SAMM50: variants seen among roughly 807,000 people sequenced by gnomAD.
The protein encoded by SAMM50 is SAMM50 sorting and assembly machinery component.
A neutral mutation model predicts 66.9 loss-of-function variants in SAMM50; 47 were observed. The observed-to-expected ratio is 0.70, with a 90% CI of 0.56 to 0.90. The LOEUF (loss-of-function observed/expected upper bound fraction) is 0.90, where lower values mean the gene tolerates loss of function less well. Ranked by LOEUF, SAMM50 falls within the 40% of genes least tolerant of loss-of-function variation. The pLI is 0.00. For synonymous variants in SAMM50, 191 were observed against 214.1 expected, an observed-to-expected ratio of 0.89 and a Z score of 0.94; for missense variants, 535 against 595.3, an observed-to-expected ratio of 0.90 and a Z score of 1.05.
At position 43,976,793 on chromosome 22, in the gene SAMM50, G is replaced by A; in HGVS notation, c.821G>A (p.Arg274Lys). 2 of 1,613,250 alleles carry A rather than the reference G, an allele frequency of 1.2e-6. No homozygotes were observed. The highest frequency in any genetic ancestry group is 1.7e-6 in the Non-Finnish European group (2 of 1,179,548). Residue 274 changes from arginine to lysine, a missense_variant, in exon 9 of 15, where the codon AGG becomes AAG. By Grantham distance (26) the Arg-to-Lys change is conservative (BLOSUM62 2). Transcript: ENST00000350028. ...TCTCGGAATTCTTCCATCTTACCAA[G>A]GAGAGGTGCTTTGCTGAAAGTTAAC... is the stretch of plus-strand genomic sequence containing the variant. Reference protein sequence around the residue: ...IDSRNSSILPRRGALLKVNQE... With the variant: ...IDSRNSSILPKRGALLKVNQE...
At chr22:43,990,498 A>G in intron 14 of SAMM50, 92 bp downstream of exon 14, 1 of 1,238,100 alleles carries the variant, frequency 8.1e-7, no homozygotes, top group East Asian at 2.3e-5. Flanking sequence ...AGTGGCTTTT[A>G]AGCTTGAAGA....
intron 14 of SAMM50, among the ~76,000 whole-genome samples, chr22:43,994,456 C>T (rs1006739218): frequency 6.6e-6 from 1 of 152,122 alleles, no homozygotes; most frequent in African/African-American, 2.4e-5. Context: ...AGGCTCCTGG[C>T]GTGTGGTGGG....
intron 1 of SAMM50, among the ~76,000 whole-genome samples, chr22:43,957,974 C>T (rs1012431379): frequency 3.3e-5 from 5 of 151,786 alleles, no homozygotes; most frequent in African/African-American, 9.7e-5. Context: ...AGGATGGTCT[C>T]GATCTCCTGA....
intron 14 of SAMM50, among the ~76,000 whole-genome samples, chr22:43,994,495 G>C (rs2050342491): frequency 6.6e-6 from 1 of 152,212 alleles, no homozygotes; most frequent in Non-Finnish European, 1.5e-5. Flanking sequence ...CAAGGGTGCT[G>C]TTGGCATGAC....
In SAMM50 at chr22:43,990,322, G is replaced by C; in HGVS notation, c.1280G>C (p.Gly427Ala). Reference sequence around the variant, plus strand: ...GCTGAGTGCATCCGCTGGTCGTACGGGGCCGGGATTGTCCTCAGGCTTGGC... The same window carrying C: ...GCTGAGTGCATCCGCTGGTCGTACGCGGCCGGGATTGTCCTCAGGCTTGGC... ...KLAECIRWSYGAGIVLRLGNI... is the reference protein window; with the variant it reads ...KLAECIRWSYAAGIVLRLGNI... Residue 427 changes from glycine to alanine, a missense_variant, in exon 14 of 15, where the codon GGG becomes GCG. By Grantham distance (60) the Gly-to-Ala change is moderately conservative (BLOSUM62 0). Coordinates refer to ENST00000350028, the MANE Select transcript of SAMM50 (RefSeq NM_015380.5). 1 of 1,614,174 alleles carries C rather than the reference G, an allele frequency of 6.2e-7. No homozygotes were observed. Among genetic ancestry groups the C allele is most frequent in the Non-Finnish European group, 8.5e-7 (1 of 1,180,042 alleles).
chr22:43,976,333 G>A (rs2050231942), intron 8 of SAMM50, 150 bp downstream of exon 8: 1 of 852,236 alleles, frequency 1.2e-6, no homozygotes, highest in Non-Finnish European at 1.8e-6. Context: ...CCGAGGGCTT[G>A]TGGTGTCCTG....
chr22:43,962,939 G>C (rs28754570), intron 1 of SAMM50: 8,483 of 121,762 alleles, frequency 0.07, 288 homozygotes, highest in Middle Eastern at 0.13. Context: ...GCCGTGTTGT[G>C]CAGGCTAGTC....
At chr22:43,993,511 GGTTT>G (rs1330120772) in intron 14 of SAMM50, among the ~76,000 whole-genome samples, 1 of 152,238 alleles carries the variant, frequency 6.6e-6, no homozygotes, top group African/African-American at 2.4e-5. Context: ...TTCAAAATAT[GGTTT>G]ATTCCGGGAG....
intron 1 of SAMM50, among the ~76,000 whole-genome samples, chr22:43,961,120 A>G (rs1765933931): frequency 6.6e-6 from 1 of 152,234 alleles, no homozygotes; most frequent in Admixed American, 6.5e-5. Context: ...TTTCCGGGGA[A>G]AAGTGGATAG....
At chr22:43,957,808 G>A (rs944456116) in intron 1 of SAMM50, among the ~76,000 whole-genome samples, 1 of 152,154 alleles carries the variant, frequency 6.6e-6, no homozygotes, top group Non-Finnish European at 1.5e-5. Flanking sequence ...GCCCAGGCTG[G>A]AGTGCAGTGG....
chr22:43,978,902 A>T (rs1292856714), intron 10 of SAMM50, among the ~76,000 whole-genome samples: 2 of 152,172 alleles, frequency 1.3e-5, no homozygotes, highest in South Asian at 4.1e-4. Flanking sequence ...TAGAGAGCTC[A>T]TTTTAAAATA....
intron 14 of SAMM50, among the ~76,000 whole-genome samples, chr22:43,993,317 A>G (rs1199251726): frequency 6.6e-6 from 1 of 152,182 alleles, no homozygotes; most frequent in Non-Finnish European, 1.5e-5. Flanking sequence ...TGCCATCACC[A>G]CCATTGCAGT....
At position 43,973,338 on chromosome 22, in the gene SAMM50, A is replaced by G. The variant is rs780263929; in HGVS notation, c.648+15A>G. 2 of 1,492,804 alleles carry G rather than the reference A, an allele frequency of 1.3e-6. No homozygotes were observed. The highest frequency in any genetic ancestry group is 1.7e-5 in the Admixed American group (1 of 59,834). 92.5% of individuals were successfully genotyped at this position (1,492,804 alleles called of 1,614,324 possible). A position where few individuals can be genotyped will look rare whatever the true frequency, so the allele number is the denominator to read the frequency against. Reference sequence around the variant, plus strand: ...CTGAGTACAGTGTGAGTAGCATTTCAGTCCTTCCCTCTGGGCTTGGGGGAA... The same window carrying G: ...CTGAGTACAGTGTGAGTAGCATTTCGGTCCTTCCCTCTGGGCTTGGGGGAA... On this transcript the variant is annotated intron_variant, in intron 7 of 14. Transcript: ENST00000350028.
intron 14 of SAMM50, among the ~76,000 whole-genome samples, chr22:43,991,718 C>G (rs1340786273): frequency 6.6e-6 from 1 of 152,188 alleles, no homozygotes; most frequent in African/African-American, 2.4e-5. Flanking sequence ...TTGGAAAGTC[C>G]AAGATCAGGG....
At chr22:43,972,094 C>T (rs527484527) in intron 4 of SAMM50, 142 bp from the exon 5 acceptor site, 11 of 543,656 alleles carry the variant, frequency 2.0e-5, no homozygotes, top group South Asian at 8.8e-5. Flanking sequence ...TGTTCTTAAA[C>T]GTTTCTCATG....
chr22:43,983,933 G>A lies in SAMM50; in HGVS notation c.1008G>A (p.Arg336=). ...IGDKPSSIAD[R]FYLGGPTSIR... ...TGACCTGTGTGCTGTTTTGTCCTAG[G>A]TTTTACCTTGGGGGACCCACAAGCA... Residue 336 remains arginine, a splice_region_variant and synonymous_variant, in exon 12 of 15, where the codon AGG becomes AGA. Transcript: ENST00000350028. The surrounding 1 kb of genome is among the most constrained non-coding windows in gnomAD (Gnocchi z 4.2). The A allele has an allele frequency of 1.2e-6, 2 of 1,609,560 alleles. No homozygotes were observed. Among genetic ancestry groups the A allele is most frequent in the Non-Finnish European group, 1.7e-6 (2 of 1,178,008 alleles).
rs1460012287 is a variant in SAMM50 at position 43,990,320 on chromosome 22, CG to C, written c.1282del (p.Ala428ProfsTer39). 1 of 1,614,100 alleles carries C rather than the reference CG, an allele frequency of 6.2e-7. No homozygotes were observed. The highest frequency in any genetic ancestry group is 8.5e-7 in the Non-Finnish European group (1 of 1,179,996). ...TGGCTGAGTGCATCCGCTGGTCGTA[CG>C]GGGCCGGGATTGTCCTCAGGCTTGG... Reference protein sequence around the residue: ...KLAECIRWSYGAGIVLRLGNI... With the variant: ...KLAECIRWSYXAGIVLRLGNI... On this transcript the variant is annotated frameshift_variant, in exon 14 of 15. Transcript: ENST00000350028. LOFTEE classifies it high-confidence loss of function.
At chr22:43,973,816 T>C (rs1485883465) in intron 7 of SAMM50, among the ~76,000 whole-genome samples, 3 of 152,150 alleles carry the variant, frequency 2.0e-5, no homozygotes, top group Admixed American at 2.0e-4. Flanking sequence ...TTTCCTTATG[T>C]TGGCCAGGCT....
At chr22:43,988,758 AGGT>A (rs1307428795) in intron 12 of SAMM50, 4 of 178,680 alleles carry the variant, frequency 2.2e-5, no homozygotes, top group African/African-American at 9.4e-5. Flanking sequence ...TTTCATTTGC[AGGT>A]GGAAGTGAGT....
Sources: allele counts gnomAD v4.1 joint callset (sites outside exome capture counted in the v4.1 genomes callset), GRCh38; gene constraint gnomAD v4.1.1; non-coding constraint Gnocchi (gnomAD v3.1); transcripts MANE v1.5; gene names NCBI Gene and HGNC (gene_info 2026-07-23, HGNC 2026-07-21).